Variants in KLF8 observed in about 807,000 individuals in gnomAD.
KLF8 encodes the protein KLF transcription factor 8, also known as Krueppel-like factor 8.
Under a neutral mutation model 18.2 loss-of-function variants are expected in KLF8, and 10 were observed. The ratio of observed to expected loss-of-function variants is 0.55; its 90% CI spans 0.34 to 0.93. The LOEUF is 0.93. Among genes scored for constraint, KLF8 ranks in the 40% least tolerant of loss-of-function variants. The probability of loss-of-function intolerance (pLI) is 0.02; values close to 1 mark genes in which losing one functional copy is unlikely to be tolerated. For missense variants in KLF8, 264 were observed against 277.9 expected (o/e 0.95, Z 0.36); for synonymous variants, 109 against 97.3 (o/e 1.12, Z -0.71).
At chrX:55,976,453 G>T in the KLF8 span, among the ~76,000 whole-genome samples, 1 of 111,149 alleles carries the variant, frequency 9.0e-6, no homozygotes, top group Admixed American at 9.6e-5. Context: ...GTGAGATCAT[G>T]CAGTATTCGT....
At chrX:56,121,191 A>G in the KLF8 span, among the ~76,000 whole-genome samples, 1 of 109,518 alleles carries the variant, frequency 9.1e-6, no homozygotes, top group Non-Finnish European at 1.9e-5. Context: ...GTCTCAAAAA[A>G]AAAAAAAAAA....
At chrX:56,160,407 G>A in the KLF8 span, among the ~76,000 whole-genome samples, 5 of 111,382 alleles carry the variant, frequency 4.5e-5, no homozygotes, top group African/African-American at 9.8e-5. Flanking sequence ...TATTAGGTCC[G>A]CTTGGTGCAG....
At chrX:55,989,297 G>C in the KLF8 span, among the ~76,000 whole-genome samples, 1 of 112,018 alleles carries the variant, frequency 8.9e-6, no homozygotes. Flanking sequence ...CAAAAGGAAT[G>C]CTTCCAGTTT....
chrX:55,961,905 CTT>C, the KLF8 span: 1 of 202,785 alleles, frequency 4.9e-6, no homozygotes, highest in Non-Finnish European at 9.3e-6. Flanking sequence ...AAAATAATCT[CTT>C]TGCATTCTTT....
the KLF8 span, among the ~76,000 whole-genome samples, chrX:56,153,589 G>A: frequency 2.7e-5 from 3 of 111,184 alleles, no homozygotes; most frequent in Admixed American, 9.7e-5. Flanking sequence ...TTTCAATCAG[G>A]CAGGAGAAAG....
the KLF8 span, among the ~76,000 whole-genome samples, chrX:56,210,405 A>G: frequency 2.7e-5 from 3 of 112,035 alleles, no homozygotes; most frequent in African/African-American, 6.5e-5. Flanking sequence ...GTCTTCTGCC[A>G]GAGGAATTGG....
chrX:55,952,851 T>A, the KLF8 span, among the ~76,000 whole-genome samples: 32 of 111,961 alleles, frequency 2.9e-4, no homozygotes, highest in African/African-American at 9.7e-4. Flanking sequence ...CCAGGCCCTG[T>A]GATAAATGCA....
the KLF8 span, among the ~76,000 whole-genome samples, chrX:55,973,736 G>T: frequency 8.9e-6 from 1 of 112,312 alleles, no homozygotes; most frequent in Non-Finnish European, 1.9e-5. Flanking sequence ...CTTATACACT[G>T]TTGGTGGAAG....
chrX:56,096,249 C>T, the KLF8 span, among the ~76,000 whole-genome samples: 1 of 111,027 alleles, frequency 9.0e-6, no homozygotes. Flanking sequence ...AGAATGGGTG[C>T]ATCTAGCATA....
At chrX:56,059,731 G>T in the KLF8 span, among the ~76,000 whole-genome samples, 2 of 111,615 alleles carry the variant, frequency 1.8e-5, no homozygotes, top group Non-Finnish European at 3.8e-5. Context: ...TTTGGTACCA[G>T]TACCGTGCTG....
At chrX:56,102,303 C>T in the KLF8 span, among the ~76,000 whole-genome samples, 1 of 110,835 alleles carries the variant, frequency 9.0e-6, no homozygotes, top group Non-Finnish European at 1.9e-5. Context: ...TCTATTCCAT[C>T]GGTTTATGTA....
At chrX:56,039,153 G>A in the KLF8 span, among the ~76,000 whole-genome samples, 11 of 112,037 alleles carry the variant, frequency 9.8e-5, no homozygotes, top group African/African-American at 3.6e-4. Flanking sequence ...CTACCATTTT[G>A]TAGGTTCTTT....
chrX:56,188,198 A>G, the KLF8 span, among the ~76,000 whole-genome samples: 2 of 111,385 alleles, frequency 1.8e-5, no homozygotes, highest in African/African-American at 3.3e-5. Flanking sequence ...AAATCAATGT[A>G]CAAAAATCAC....
the KLF8 span, among the ~76,000 whole-genome samples, chrX:56,013,223 G>T: frequency 7.1e-5 from 8 of 112,767 alleles, no homozygotes; most frequent in Admixed American, 1.9e-4. Flanking sequence ...TGCCCTATTG[G>T]ATTTCAGACT....
chrX:56,130,674 CA>C, the KLF8 span, among the ~76,000 whole-genome samples: 6 of 111,537 alleles, frequency 5.4e-5, no homozygotes, highest in African/African-American at 2.0e-4. Flanking sequence ...GAATTGCTGG[CA>C]AAAGAATTCA....
At chrX:56,053,347 T>G in the KLF8 span, among the ~76,000 whole-genome samples, 1 of 112,021 alleles carries the variant, frequency 8.9e-6, no homozygotes, top group Non-Finnish European at 1.9e-5. Flanking sequence ...CAATTTTTAA[T>G]TCTATGAATA....
At chrX:56,170,995 G>A in the KLF8 span, among the ~76,000 whole-genome samples, 21 of 111,891 alleles carry the variant, frequency 1.9e-4, no homozygotes, top group African/African-American at 6.2e-4. Context: ...AGACTTTTCA[G>A]CGGAAACCTT....
chrX:56,162,728 A>C, the KLF8 span, among the ~76,000 whole-genome samples: 1 of 111,115 alleles, frequency 9.0e-6, no homozygotes, highest in African/African-American at 3.3e-5. Flanking sequence ...GGGTGAGGTG[A>C]TGCCTCGCCC....
the KLF8 span, among the ~76,000 whole-genome samples, chrX:56,186,373 A>C: frequency 8.9e-6 from 1 of 111,954 alleles, no homozygotes; most frequent in African/African-American, 3.2e-5. Context: ...TAGATTCATA[A>C]AGCAAGTCCT....
Sources: allele counts gnomAD v4.1 joint callset (sites outside exome capture counted in the v4.1 genomes callset), GRCh38; gene constraint gnomAD v4.1.1; transcripts MANE v1.5; gene names NCBI Gene and HGNC (gene_info 2026-07-23, HGNC 2026-07-21).